Variants in COL14A1 observed in about 807,000 individuals in gnomAD.
The protein encoded by COL14A1 is collagen alpha-1(XIV) chain.
COL14A1 carries 136 observed loss-of-function variants against 230.3 expected under a neutral mutation model. That is an observed-to-expected ratio of 0.59 (90% confidence interval 0.51 to 0.68). The LOEUF (loss-of-function observed/expected upper bound fraction) is 0.68. Ranked by LOEUF, COL14A1 falls within the 30% of genes least tolerant of loss-of-function variation. The pLI is 0.00. For synonymous variants in COL14A1, 792 were observed against 784.1 expected, an observed-to-expected ratio of 1.01 and a Z score of -0.17; for missense variants, 1,976 against 2,215.8, an observed-to-expected ratio of 0.89 and a Z score of 2.17.
chr8:120,335,730 G>C (rs1477345694), intron 42 of COL14A1, among the ~76,000 whole-genome samples: 1 of 152,190 alleles, frequency 6.6e-6, no homozygotes, highest in Non-Finnish European at 1.5e-5. Flanking sequence ...CGGCTCCCTA[G>C]GGCAGAATGT....
At chr8:120,130,866 C>G (rs916314118) in intron 1 of COL14A1, among the ~76,000 whole-genome samples, 6 of 152,114 alleles carry the variant, frequency 3.9e-5, no homozygotes, top group African/African-American at 7.2e-5. Context: ...AACCCTCACC[C>G]CCTTTTTTTT....
chr8:120,297,514 C>A lies in COL14A1; in HGVS notation c.4240C>A (p.Gln1414Lys). ...RGPGGNSAPF[Q>K]LQMFDIVCST... ...CAATTTTCTTTTTAAATCATAGTTC[C>A]AGTTACAGATGTTTGATATTGTTTG... Residue 1414 changes from glutamine (Q) to lysine (K), a missense_variant, in exon 35 of 48, where the codon CAG (glutamine) becomes AAG (lysine). Gln to Lys is a moderately conservative substitution (Grantham distance 53). Coordinates refer to ENST00000297848, the MANE Select transcript of COL14A1 (RefSeq NM_021110.4). The A allele has an allele frequency of 2.1e-6, 3 of 1,440,092 alleles. No homozygotes were observed. The highest frequency in any genetic ancestry group is 1.8e-5 in the South Asian group (1 of 55,312). The allele number at this position is 1,440,092 out of a possible 1,614,324, so 89.2% of individuals were successfully genotyped here. A position where few individuals can be genotyped will look rare whatever the true frequency, so the allele number is the denominator to read the frequency against.
chr8:120,162,892 C>T (rs1479981769), intron 4 of COL14A1, among the ~76,000 whole-genome samples: 1 of 152,164 alleles, frequency 6.6e-6, no homozygotes, highest in Non-Finnish European at 1.5e-5. Flanking sequence ...GGTACTATAA[C>T]ACCATATTGT....
chr8:120,203,521 AT>A, intron 8 of COL14A1, among the ~76,000 whole-genome samples, 187 bp from the exon 9 acceptor site: 1 of 152,062 alleles, frequency 6.6e-6, no homozygotes, highest in East Asian at 1.9e-4. Flanking sequence ...ATATGACTAT[AT>A]TTTTTCATTT....
intron 40 of COL14A1, among the ~76,000 whole-genome samples, chr8:120,323,892 C>G (rs2130165367): frequency 6.6e-6 from 1 of 152,246 alleles, no homozygotes; most frequent in African/African-American, 2.4e-5. Context: ...ATTGCCTTGG[C>G]TGTAAGAATG....
intron 40 of COL14A1, among the ~76,000 whole-genome samples, chr8:120,329,802 C>T (rs1185425908): frequency 1.3e-5 from 2 of 151,900 alleles, no homozygotes; most frequent in Non-Finnish European, 2.9e-5. Flanking sequence ...GATTGGACAG[C>T]AATTCTAATA....
intron 28 of COL14A1, 44 bp downstream of exon 28, chr8:120,278,622 A>T (rs373299054): frequency 1.8e-4 from 282 of 1,567,906 alleles, no homozygotes; most frequent in Non-Finnish European, 2.4e-4. Flanking sequence ...TGATGTTAGA[A>T]TTGTTATTTT....
chr8:120,371,542 T>G lies in COL14A1; in HGVS notation c.*311T>G, dbSNP rs1812158648. ...GGGAAAAATAAATTGAACTCTGGAA[T>G]CTTCTCTCTCAAGTCCTAAAATGAA... On this transcript the variant is annotated 3_prime_UTR_variant, in exon 48 of 48. Transcript: ENST00000297848. The G allele has an allele frequency of 2.5e-6, 1 of 398,092 alleles. No homozygotes were observed. The highest frequency in any genetic ancestry group is 4.4e-6 in the Non-Finnish European group (1 of 225,884). The allele number at this position is 398,092 out of a possible 1,614,324, so 24.7% of individuals were successfully genotyped here.
intron 1 of COL14A1, among the ~76,000 whole-genome samples, chr8:120,135,408 A>T (rs1814676037): frequency 6.6e-6 from 1 of 151,988 alleles, no homozygotes; most frequent in African/African-American, 2.4e-5. Context: ...GGATTACAGA[A>T]GCGCACCACC....
intron 41 of COL14A1, 100 bp from the exon 42 acceptor site, chr8:120,332,564 C>A: frequency 3.2e-6 from 3 of 947,774 alleles, no homozygotes; most frequent in Non-Finnish European, 3.3e-6. Flanking sequence ...GGGAGGGAAG[C>A]TATCATGGTG....
intron 40 of COL14A1, among the ~76,000 whole-genome samples, chr8:120,331,370 A>G (rs1044528624): frequency 6.6e-6 from 1 of 152,208 alleles, no homozygotes; most frequent in African/African-American, 2.4e-5. Context: ...TAAAATTCAG[A>G]TTGAAGATTC....
In COL14A1 at chr8:120,370,492, T is replaced by G. The variant is rs1823549790; in HGVS notation, c.5312-660T>G. The G allele has an allele frequency of 1.9e-5, 29 of 1,506,376 alleles. 1 individual carries two copies. The South Asian group carries it at 3.6e-4, about 19-fold the overall frequency. The allele number at this position is 1,506,376 out of a possible 1,614,324, so 93.3% of individuals were successfully genotyped here. A position where few individuals can be genotyped will look rare whatever the true frequency, so the allele number is the denominator to read the frequency against. ...ACAATGGACACTCTGCTTCCCTGCT[T>G]CTTCTGCATCCCTGCCTTCCCACTT... On this transcript the variant is annotated intron_variant, in intron 47 of 47. Coordinates refer to ENST00000297848, the MANE Select transcript of COL14A1 (RefSeq NM_021110.4).
In COL14A1 at chr8:120,216,440, A is replaced by C. The variant is rs4870723; in HGVS notation, c.1687A>C (p.Asn563His). The C allele has an allele frequency of 0.49, 791,971 of 1,612,250 alleles. 197,056 individuals carry two copies. The highest frequency in any genetic ancestry group is 0.61 in the East Asian group (27,325 of 44,834). ...CTGGGACCCAACTTCAAGACAGATC[A>C]ATGGTTATCGAATTGTATATAACAA... ...LTWDPTSRQINGYRIVYNNAD... is the reference protein window; with the variant it reads ...LTWDPTSRQIHGYRIVYNNAD... The change falls in exon 14 of 48, where the codon AAT becomes CAT. Residue 563 changes from asparagine (N) to histidine (H), a missense_variant. Asn to His is a moderately conservative substitution (Grantham distance 68, BLOSUM62 1). Transcript: ENST00000297848.
chr8:120,227,395 A>AATCCCT (rs1484922087), intron 17 of COL14A1, 43 bp downstream of exon 17: 2 of 1,610,792 alleles, frequency 1.2e-6, no homozygotes, highest in Non-Finnish European at 1.7e-6. Context: ...CTGCTCCCAC[A>AATCCCT]ATCCCTCTTT....
chr8:120,193,642 GC>G (rs1029924753), intron 5 of COL14A1, among the ~76,000 whole-genome samples: 1 of 152,192 alleles, frequency 6.6e-6, no homozygotes, highest in Non-Finnish European at 1.5e-5. Flanking sequence ...TCTGTGCCCT[GC>G]CCCCAGAGGT....
intron 1 of COL14A1, among the ~76,000 whole-genome samples, chr8:120,132,596 G>A (rs1344979198): frequency 6.7e-6 from 1 of 149,534 alleles, no homozygotes; most frequent in Non-Finnish European, 1.5e-5. Flanking sequence ...GAAAAATGAT[G>A]TAGGTAGTTT....
At chr8:120,188,226 G>A (rs1442909005) in intron 5 of COL14A1, among the ~76,000 whole-genome samples, 1 of 151,924 alleles carries the variant, frequency 6.6e-6, no homozygotes, top group Non-Finnish European at 1.5e-5. Flanking sequence ...GGAATTACAG[G>A]CACCCACTAT....
chr8:120,337,021 T>C (rs1822100785), intron 42 of COL14A1, among the ~76,000 whole-genome samples: 2 of 152,180 alleles, frequency 1.3e-5, no homozygotes, highest in African/African-American at 2.4e-5. Context: ...AGAAATTCTA[T>C]CATATTCTTG....
intron 27 of COL14A1, 23 bp from the exon 28 acceptor site, chr8:120,278,412 A>G: frequency 5.0e-6 from 8 of 1,603,014 alleles, no homozygotes; most frequent in South Asian, 3.4e-5. Flanking sequence ...GTGAAATCAA[A>G]CTGTTGCCTT....
Sources: gnomAD v4.1 joint callset for allele counts (sites outside exome capture counted in the v4.1 genomes callset) on GRCh38, gnomAD v4.1.1 for gene constraint, MANE v1.5 for transcripts, NCBI Gene and HGNC (gene_info 2026-07-23, HGNC 2026-07-21) for gene names.